SMG6: variants seen among roughly 807,000 people sequenced by gnomAD.
SMG6 encodes telomerase-binding protein EST1A.
In SMG6, 66 loss-of-function variants were observed where a neutral mutation model predicts 142.2. The observed-to-expected ratio is 0.46, with a 90% CI of 0.38 to 0.57. The LOEUF (loss-of-function observed/expected upper bound fraction) is 0.57. SMG6 is among the 20% of genes least tolerant of loss of function. The pLI, the probability that SMG6 is intolerant of heterozygous loss-of-function variation, is 0.00. For synonymous variants in SMG6, 779 were observed against 702.4 expected, an observed-to-expected ratio of 1.11 and a Z score of -1.72; for missense variants, 1,793 against 1,832.0, an observed-to-expected ratio of 0.98 and a Z score of 0.39.
intron 13 of SMG6, among the ~76,000 whole-genome samples, chr17:2,156,454 T>TCTTAGAGTGA (rs2071009872): frequency 6.9e-6 from 1 of 144,212 alleles, no homozygotes; most frequent in Non-Finnish European, 1.5e-5. Flanking sequence ...GGTCCTTCTA[T>TCTTAGAGTGA]CTTAGAGTGA....
chr17:2,068,966 G>C lies in SMG6; in HGVS notation c.3682-35C>G. On this transcript the variant is annotated intron_variant, in intron 15 of 18. Transcript: ENST00000263073. This position sits in a 1 kb window ranked among gnomAD's most constrained non-coding sequence, Gnocchi z 6.7. ...CAGAGTGGTGAATGAGCCAGACAGC[G>C]AGCAGGCAAGCAGGTGGGTGAGCCA... The C allele has an allele frequency of 6.2e-7, 1 of 1,608,080 alleles. No homozygotes were observed. Among genetic ancestry groups the C allele is most frequent in the Non-Finnish European group, 8.5e-7 (1 of 1,175,890 alleles).
At chr17:2,210,786 CAAGCTAA>C (rs796409126) in intron 10 of SMG6, among the ~76,000 whole-genome samples, 117 of 137,550 alleles carry the variant, frequency 8.5e-4, no homozygotes, top group African/African-American at 3.1e-3. Context: ...AAAAAAAAAG[CAAGCTAA>C]GAGCTAAGAA....
chr17:2,132,838 G>T (rs72815336), intron 13 of SMG6, among the ~76,000 whole-genome samples: 2 of 152,096 alleles, frequency 1.3e-5, no homozygotes, highest in Non-Finnish European at 2.9e-5. Flanking sequence ...TGTCACTCAG[G>T]GTGGTGGGAA....
intron 8 of SMG6, among the ~76,000 whole-genome samples, chr17:2,276,851 G>A (rs1011188143): frequency 3.6e-4 from 54 of 151,954 alleles, no homozygotes; most frequent in African/African-American, 1.1e-3. Context: ...GCACAATCTC[G>A]GCTCACCGCA....
intron 6 of SMG6, among the ~76,000 whole-genome samples, chr17:2,284,853 C>A (rs1161128146): frequency 1.3e-5 from 2 of 152,184 alleles, no homozygotes; most frequent in Non-Finnish European, 2.9e-5. Flanking sequence ...ATATTTGGCA[C>A]ACCATTACAG....
chr17:2,219,890 C>T lies in SMG6; in HGVS notation c.2869+16602G>A, dbSNP rs565173703. Among the ~76,000 whole-genome samples, 130 of 152,010 alleles carry T rather than the reference C, an allele frequency of 8.6e-4. 1 individual carries two copies. Among genetic ancestry groups the T allele is most frequent in the African/African-American group, 2.9e-3 (121 of 41,480 alleles). On this transcript the variant is annotated intron_variant, in intron 10 of 18. Transcript: ENST00000263073. ...CAAAAGTATTAAGATGCCAAAACCC[C>T]TTCACCCAACAACCAAACTTCTAAA...
intron 6 of SMG6, among the ~76,000 whole-genome samples, chr17:2,291,416 T>C (rs368059882): frequency 2.2e-4 from 33 of 150,626 alleles, no homozygotes; most frequent in African/African-American, 8.0e-4. Flanking sequence ...ATTCAACGAT[T>C]ACAAAGAAGG....
intron 8 of SMG6, among the ~76,000 whole-genome samples, chr17:2,264,136 C>T (rs2151339761): frequency 6.6e-6 from 1 of 152,190 alleles, no homozygotes; most frequent in East Asian, 1.9e-4. Flanking sequence ...AACAAGGATC[C>T]AATGTACAGG....
intron 13 of SMG6, among the ~76,000 whole-genome samples, chr17:2,110,081 C>CAAAAAAAAAAA (rs57135671): frequency 4.5e-5 from 4 of 87,914 alleles, no homozygotes; most frequent in African/African-American, 1.2e-4. Flanking sequence ...GATTCCATCT[C>CAAAAAAAAAAA]AAAAAAAAAA....
intron 13 of SMG6, among the ~76,000 whole-genome samples, chr17:2,086,343 C>T (rs2236374): frequency 0.6 from 91,614 of 152,002 alleles, 27,871 homozygotes; most frequent in Admixed American, 0.66. Context: ...TCCAGACTCC[C>T]AAAAGGAGAA....
intron 15 of SMG6, among the ~76,000 whole-genome samples, chr17:2,070,458 T>C (rs1363358335): frequency 6.6e-6 from 1 of 152,292 alleles, no homozygotes; most frequent in East Asian, 1.9e-4. Flanking sequence ...GAGACCCAGA[T>C]GCAGGCACAG....
At chr17:2,216,981 G>GA (rs924426102) in intron 10 of SMG6, among the ~76,000 whole-genome samples, 3 of 152,114 alleles carry the variant, frequency 2.0e-5, no homozygotes, top group Non-Finnish European at 4.4e-5. Context: ...TTCAAAATAA[G>GA]AAACAGAATC....
chr17:2,189,410 A>T (rs1014739896), intron 10 of SMG6, among the ~76,000 whole-genome samples: 1 of 152,188 alleles, frequency 6.6e-6, no homozygotes, highest in African/African-American at 2.4e-5. Flanking sequence ...GGAGCTGGTG[A>T]CACACAGAAG....
intron 18 of SMG6, among the ~76,000 whole-genome samples, chr17:2,063,791 A>T (rs1363804153): frequency 6.6e-6 from 1 of 151,910 alleles, no homozygotes; most frequent in Non-Finnish European, 1.5e-5. Flanking sequence ...GAGGAAGGAG[A>T]GTGTGAAGGG....
chr17:2,294,357 T>G (rs2075101930), intron 4 of SMG6, among the ~76,000 whole-genome samples: 1 of 152,182 alleles, frequency 6.6e-6, no homozygotes, highest in South Asian at 2.1e-4. Context: ...GTCATGTTGG[T>G]AAGAGACAAA....
intron 13 of SMG6, among the ~76,000 whole-genome samples, chr17:2,130,544 T>C (rs2070086204): frequency 6.6e-6 from 1 of 150,690 alleles, no homozygotes; most frequent in Admixed American, 6.6e-5. Flanking sequence ...CAAAATAAAT[T>C]CCAAATGGAA....
intron 13 of SMG6, among the ~76,000 whole-genome samples, chr17:2,169,702 T>G (rs2071446248): frequency 6.6e-6 from 1 of 151,988 alleles, no homozygotes; most frequent in South Asian, 2.1e-4. Context: ...TCAGAGAGCT[T>G]GGGAGTGGGA....
chr17:2,062,517 G>A (rs1222742852), intron 18 of SMG6: 2 of 143,488 alleles, frequency 1.4e-5, no homozygotes, highest in Non-Finnish European at 3.0e-5. Flanking sequence ...TTTTTTTTAA[G>A]CACAGTCTCT....
intron 8 of SMG6, among the ~76,000 whole-genome samples, chr17:2,257,831 C>T (rs2074219054): frequency 6.6e-6 from 1 of 151,162 alleles, no homozygotes; most frequent in African/African-American, 2.4e-5. Flanking sequence ...GACCAAATGG[C>T]GAAACCCCAT....
Sources: gnomAD v4.1 joint callset for allele counts (sites outside exome capture counted in the v4.1 genomes callset) on GRCh38, gnomAD v4.1.1 for gene constraint, Gnocchi (gnomAD v3.1) non-coding constraint, MANE v1.5 for transcripts, NCBI Gene and HGNC (gene_info 2026-07-23, HGNC 2026-07-21) for gene names.